ETF1: variants seen among roughly 807,000 people sequenced by gnomAD.
ETF1 encodes eukaryotic peptide chain release factor subunit 1.
A neutral mutation model predicts 55.1 loss-of-function variants in ETF1; 4 were observed. The observed-to-expected ratio is 0.07, with a 90% CI of 0.04 to 0.17. ETF1 has a LOEUF of 0.17. Among genes scored for constraint, ETF1 ranks in the 10% least tolerant of loss-of-function variants. The pLI, the probability that ETF1 is intolerant of heterozygous loss-of-function variation, is 1.00. For missense variants in ETF1, 142 were observed against 523.6 expected (o/e 0.27, Z 7.11); for synonymous variants, 157 against 182.3 (o/e 0.86, Z 1.12).
intron 5 of ETF1, 64 bp from the exon 6 acceptor site, chr5:138,513,018 AAAAAT>A (rs199650132): frequency 0.014 from 20,922 of 1,450,160 alleles, 202 homozygotes; most frequent in Non-Finnish European, 0.017. Context: ...TCTTCAAATT[AAAAAT>A]AAAATAATCA....
At chr5:138,536,991 G>A (rs923952805) in intron 2 of ETF1, among the ~76,000 whole-genome samples, 1 of 152,082 alleles carries the variant, frequency 6.6e-6, no homozygotes, top group African/African-American at 2.4e-5. Context: ...TTCCTTCCCT[G>A]GAAGCATAAG....
At chr5:138,517,506 G>A in intron 4 of ETF1, 55 bp downstream of exon 4, 1 of 1,134,754 alleles carries the variant, frequency 8.8e-7, no homozygotes, top group Non-Finnish European at 1.2e-6. Context: ...GACTGCTAAT[G>A]GGTACGGGGA....
chr5:138,509,977 C>T (rs1764701293), intron 9 of ETF1, among the ~76,000 whole-genome samples: 1 of 150,532 alleles, frequency 6.6e-6, no homozygotes, highest in Admixed American at 6.6e-5. Flanking sequence ...GAAGGATTGC[C>T]TGAGCCCAGG....
At chr5:138,529,771 G>GAGCA in intron 2 of ETF1, 1 of 949,294 alleles carries the variant, frequency 1.1e-6, no homozygotes, top group Non-Finnish European at 1.3e-6. Context: ...AATTTTTTTA[G>GAGCA]AGATGGGGTC....
At chr5:138,533,498 C>T (rs1379701245) in intron 2 of ETF1, among the ~76,000 whole-genome samples, 1 of 151,916 alleles carries the variant, frequency 6.6e-6, no homozygotes, top group East Asian at 2.0e-4. Flanking sequence ...CCATCCTGGC[C>T]AACATGGTGA....
chr5:138,516,349 A>C (rs1296661090), intron 4 of ETF1, among the ~76,000 whole-genome samples: 1 of 148,310 alleles, frequency 6.7e-6, no homozygotes, highest in East Asian at 1.9e-4. Flanking sequence ...ATATACACCT[A>C]CTATGTACCC....
At chr5:138,528,935 T>G (rs905686089) in intron 2 of ETF1, among the ~76,000 whole-genome samples, 4 of 152,034 alleles carry the variant, frequency 2.6e-5, no homozygotes, top group African/African-American at 4.8e-5. Flanking sequence ...TCACCTGTGG[T>G]CAGGAGTTTG....
chr5:138,525,873 GAGAC>G (rs1322502649), intron 2 of ETF1, among the ~76,000 whole-genome samples: 4 of 149,486 alleles, frequency 2.7e-5, no homozygotes, highest in African/African-American at 9.8e-5. Context: ...TTGAACTTGG[GAGAC>G]AGAGGTTGCA....
At chr5:138,529,810 T>C in intron 2 of ETF1, 1 of 633,038 alleles carries the variant, frequency 1.6e-6, no homozygotes, top group Non-Finnish European at 2.0e-6. Context: ...TGGAGTGCAG[T>C]GGCACAATCA....
At chr5:138,529,179 CAAA>C (rs200791305) in intron 2 of ETF1, among the ~76,000 whole-genome samples, 1 of 151,516 alleles carries the variant, frequency 6.6e-6, no homozygotes, top group Non-Finnish European at 1.5e-5. Context: ...AACAAACAAA[CAAA>C]AAAAACAAGC....
intron 2 of ETF1, among the ~76,000 whole-genome samples, chr5:138,525,810 G>A (rs1450507649): frequency 6.6e-6 from 1 of 151,974 alleles, no homozygotes; most frequent in African/African-American, 2.4e-5. Context: ...GCTGGGTGTG[G>A]TGGCACACGC....
At chr5:138,528,218 A>G (rs1765558870) in intron 2 of ETF1, among the ~76,000 whole-genome samples, 3 of 152,236 alleles carry the variant, frequency 2.0e-5, no homozygotes, top group Admixed American at 2.0e-4. Flanking sequence ...AGAACAGGCA[A>G]CAAACCCCAA....
At chr5:138,520,947 T>G (rs867646787) in intron 2 of ETF1, among the ~76,000 whole-genome samples, 1 of 149,868 alleles carries the variant, frequency 6.7e-6, no homozygotes, top group Non-Finnish European at 1.5e-5. Flanking sequence ...AAAAAAAAAA[T>G]TTTTTTTTAA....
rs574936043 is a variant in ETF1 at position 138,524,260 on chromosome 5, C to T, written c.87-5393G>A. Reference sequence around the variant, plus strand: ...TCCAGCTACTTGGGAGTCTGAGGCACGAGAATCGCTCGAACCTGGGAGATG... The same window carrying T: ...TCCAGCTACTTGGGAGTCTGAGGCATGAGAATCGCTCGAACCTGGGAGATG... On this transcript the variant is annotated intron_variant, in intron 2 of 10. Transcript: ENST00000360541. 7.3e-5 allele frequency among the ~76,000 whole-genome samples: 11 copies of T among 150,566 alleles called. 1 individual carries two copies. Among genetic ancestry groups the T allele is most frequent in the African/African-American group, 2.4e-4 (10 of 40,984 alleles).
chr5:138,510,435 G>T, intron 9 of ETF1, 130 bp downstream of exon 9: 7 of 325,626 alleles, frequency 2.1e-5, no homozygotes, highest in Admixed American at 8.3e-5. Flanking sequence ...GCAGATAGAT[G>T]ACCACCTCCC....
chr5:138,541,413 A>G (rs1303343699), intron 2 of ETF1: 2 of 729,278 alleles, frequency 2.7e-6, no homozygotes, highest in Non-Finnish European at 4.7e-6. Flanking sequence ...AGTAAACCGA[A>G]GGAGTGAGCA....
In ETF1 at chr5:138,511,743, G is replaced by A; in HGVS notation, c.733-139C>T. 8.0e-6 allele frequency: 11 copies of A among 1,382,666 alleles called. No homozygotes were observed. The South Asian group carries it at 2.1e-4, about 27-fold the overall frequency. The allele number at this position is 1,382,666 out of a possible 1,614,324, so 85.6% of individuals were successfully genotyped here. On this transcript the variant is annotated intron_variant, in intron 6 of 10. Coordinates refer to ENST00000360541, the MANE Select transcript of ETF1 (RefSeq NM_004730.4). Reference sequence around the variant, plus strand: ...ATCACTGAAGTCTAAATATGGGGAAGGAGCCCAATTTAATCAAAAGCTGCT... The same window carrying A: ...ATCACTGAAGTCTAAATATGGGGAAAGAGCCCAATTTAATCAAAAGCTGCT...
chr5:138,512,242 ATATATATATATATATATTTTTTTTT>A (rs1183372860), intron 6 of ETF1, among the ~76,000 whole-genome samples: 130 of 6,874 alleles, frequency 0.019, 12 homozygotes, highest in Middle Eastern at 0.12. Context: ...ATATATATAT[ATATATATATATATATATTTTTTTTT>A]TTTTTTAAAG....
chr5:138,513,541 T>A (rs1466085421), intron 5 of ETF1, 27 bp downstream of exon 5: 2 of 1,550,274 alleles, frequency 1.3e-6, no homozygotes, highest in Non-Finnish European at 1.8e-6. Flanking sequence ...ACAAAGTAAG[T>A]GGGTTCATGT....
Sources: allele counts gnomAD v4.1 joint callset (sites outside exome capture counted in the v4.1 genomes callset), GRCh38; gene constraint gnomAD v4.1.1; transcripts MANE v1.5; gene names NCBI Gene and HGNC (gene_info 2026-07-23, HGNC 2026-07-21).